Variants in ZNF804B observed in about 807,000 individuals in gnomAD.
ZNF804B encodes zinc finger protein 804B, also known as zinc finger 804B.
Under a neutral mutation model 101.4 loss-of-function variants are expected in ZNF804B, and 80 were observed. The ratio of observed to expected loss-of-function variants is 0.79; its 90% CI spans 0.66 to 0.95. The LOEUF is 0.95. Ranked by LOEUF, ZNF804B falls within the 40% of genes least tolerant of loss-of-function variation. The pLI, the probability that ZNF804B is intolerant of heterozygous loss-of-function variation, is 0.00. For synonymous variants in ZNF804B, 622 were observed against 558.8 expected (o/e 1.11, Z -1.59); for missense variants, 1,673 against 1,561.9 (o/e 1.07, Z -1.20).
chr7:88,900,472 A>C (rs1275180231), intron 1 of ZNF804B, among the ~76,000 whole-genome samples: 2 of 151,234 alleles, frequency 1.3e-5, no homozygotes, highest in African/African-American at 4.8e-5. Flanking sequence ...ACTATTTCAA[A>C]TAGACAGTAT....
intron 1 of ZNF804B, among the ~76,000 whole-genome samples, chr7:88,830,446 G>A (rs934654298): frequency 1.3e-5 from 2 of 151,868 alleles, no homozygotes; most frequent in South Asian, 2.1e-4. Flanking sequence ...TTTGAAACCC[G>A]TGTTTTTCAA....
chr7:88,879,605 T>G (rs1016014404), intron 1 of ZNF804B, among the ~76,000 whole-genome samples: 13 of 152,126 alleles, frequency 8.5e-5, no homozygotes, highest in African/African-American at 3.1e-4. Flanking sequence ...GCCCCATGCA[T>G]AGAAGAGTTT....
chr7:89,122,552 A>G (rs1414904522), intron 1 of ZNF804B, among the ~76,000 whole-genome samples: 11 of 152,170 alleles, frequency 7.2e-5, no homozygotes, highest in Non-Finnish European at 1.2e-4. Flanking sequence ...AATGGGGGCC[A>G]TCCATTCCCA....
intron 2 of ZNF804B, among the ~76,000 whole-genome samples, chr7:89,222,646 A>C (rs1196084241): frequency 6.6e-6 from 1 of 151,850 alleles, no homozygotes; most frequent in African/African-American, 2.4e-5. Context: ...CTCATCTTGG[A>C]TCATTATCTT....
chr7:88,779,508 T>G (rs1040861873), intron 1 of ZNF804B, among the ~76,000 whole-genome samples: 1 of 152,170 alleles, frequency 6.6e-6, no homozygotes, highest in Non-Finnish European at 1.5e-5. Context: ...CAGAGTAACA[T>G]GCAGGAAGCA....
At chr7:89,020,892 T>C (rs1788656117) in intron 1 of ZNF804B, among the ~76,000 whole-genome samples, 1 of 152,228 alleles carries the variant, frequency 6.6e-6, no homozygotes, top group Non-Finnish European at 1.5e-5. Flanking sequence ...TTTAATTATC[T>C]ATATTATATC....
At chr7:88,936,144 A>C (rs1209433913) in intron 1 of ZNF804B, among the ~76,000 whole-genome samples, 2 of 150,556 alleles carry the variant, frequency 1.3e-5, no homozygotes, top group African/African-American at 4.9e-5. Context: ...TGGTCCTAGA[A>C]TACTATTGCT....
chr7:88,874,057 G>A (rs1003984588), intron 1 of ZNF804B, among the ~76,000 whole-genome samples: 1 of 152,054 alleles, frequency 6.6e-6, no homozygotes, highest in African/African-American at 2.4e-5. Context: ...AAATTACCTT[G>A]GGCAGTATGG....
intron 1 of ZNF804B, among the ~76,000 whole-genome samples, chr7:88,809,304 CATCTATCTATCT>C (rs58545685): frequency 0.25 from 37,691 of 147,952 alleles, 4,917 homozygotes; most frequent in African/African-American, 0.33. Context: ...TATTGCTTGT[CATCTATCTATCT>C]ATCTATCTAT....
chr7:88,859,497 A>C (rs1164107769), intron 1 of ZNF804B, among the ~76,000 whole-genome samples: 1 of 152,132 alleles, frequency 6.6e-6, no homozygotes, highest in African/African-American at 2.4e-5. Flanking sequence ...TGATTCAGCA[A>C]AATTTTATTT....
At chr7:89,086,485 C>G (rs770944224) in intron 1 of ZNF804B, among the ~76,000 whole-genome samples, 1 of 151,888 alleles carries the variant, frequency 6.6e-6, no homozygotes, top group Non-Finnish European at 1.5e-5. Context: ...ATTATGCAGT[C>G]AAGGTGTCTG....
At chr7:89,309,674 C>T (rs756073174) in intron 2 of ZNF804B, among the ~76,000 whole-genome samples, 1 of 142,674 alleles carries the variant, frequency 7.0e-6, no homozygotes, top group Admixed American at 7.5e-5. Flanking sequence ...GCAGAAGAAT[C>T]GCTTGAACCA....
intron 1 of ZNF804B, among the ~76,000 whole-genome samples, chr7:88,964,812 T>C (rs1295184911): frequency 6.6e-6 from 1 of 151,438 alleles, no homozygotes; most frequent in Non-Finnish European, 1.5e-5. Context: ...AACAGGCTCT[T>C]AGAAGCTCAC....
chr7:88,835,561 G>A (rs559124680), intron 1 of ZNF804B, among the ~76,000 whole-genome samples: 9 of 151,832 alleles, frequency 5.9e-5, no homozygotes, highest in Non-Finnish European at 1.2e-4. Flanking sequence ...GAATTCAAAT[G>A]AAAATAATTT....
Position 89,300,647 on chromosome 7 carries a change from G to T in ZNF804B, c.250-26697G>T, listed in dbSNP as rs73384363. 3.5e-3 allele frequency among the ~76,000 whole-genome samples: 534 copies of T among 151,976 alleles called. 5 individuals carry two copies. The highest frequency in any genetic ancestry group is 0.012 in the African/African-American group (511 of 41,496). On this transcript the variant is annotated intron_variant, in intron 2 of 3. Coordinates refer to ENST00000333190, the MANE Select transcript of ZNF804B (RefSeq NM_181646.5). ...AGCATAGCTGGAGAGCATTGGAATG[G>T]AGAGAGAGGCAGAGTAGAGAGAATG...
At chr7:88,993,817 A>G (rs139630865) in intron 1 of ZNF804B, among the ~76,000 whole-genome samples, 1,910 of 152,086 alleles carry the variant, frequency 0.013, 51 homozygotes, top group African/African-American at 0.044. Flanking sequence ...ATTTATTCTT[A>G]TTATAAAACT....
rs764061410 is a variant in ZNF804B, at chr7:89,250,647, C to T, written c.249+32352C>T. Among the ~76,000 whole-genome samples, 165 of 152,206 alleles carry T rather than the reference C, an allele frequency of 1.1e-3. 1 individual carries two copies. Among genetic ancestry groups the T allele is most frequent in the Non-Finnish European group, 1.8e-3 (124 of 67,978 alleles). On this transcript the variant is annotated intron_variant, in intron 2 of 3. Coordinates refer to ENST00000333190, the MANE Select transcript of ZNF804B (RefSeq NM_181646.5). ...GCAAAGACACAGCAAGAAAACAAAA[C>T]TACAGACCAATATCCCTGATGAACA...
chr7:89,208,648 G>A (rs1788754393), intron 1 of ZNF804B, among the ~76,000 whole-genome samples: 1 of 152,088 alleles, frequency 6.6e-6, no homozygotes, highest in African/African-American at 2.4e-5. Flanking sequence ...TCATGCTGAG[G>A]AAGATGAAAT....
At chr7:89,267,290 T>C (rs1008974854) in intron 2 of ZNF804B, among the ~76,000 whole-genome samples, 1 of 152,190 alleles carries the variant, frequency 6.6e-6, no homozygotes, top group Non-Finnish European at 1.5e-5. Context: ...GTAATTTCTC[T>C]GTTTTGTATA....
Sources: allele counts gnomAD v4.1 joint callset (sites outside exome capture counted in the v4.1 genomes callset), GRCh38; gene constraint gnomAD v4.1.1; transcripts MANE v1.5; gene names NCBI Gene and HGNC (gene_info 2026-07-23, HGNC 2026-07-21).